Variants in TAF3 observed in about 807,000 individuals in gnomAD.
The protein encoded by TAF3 is transcription initiation factor TFIID subunit 3.
Under a neutral mutation model 80.6 loss-of-function variants are expected in TAF3, and 7 were observed. The observed-to-expected ratio is 0.09, with a 90% CI of 0.05 to 0.16. The LOEUF is 0.16. Among genes scored for constraint, TAF3 ranks in the 10% least tolerant of loss-of-function variants. TAF3 has a pLI of 1.00. For synonymous variants in TAF3, 444 were observed against 446.1 expected, an observed-to-expected ratio of 1.00 and a Z score of 0.06; for missense variants, 921 against 1,140.2, an observed-to-expected ratio of 0.81 and a Z score of 2.77.
chr10:7,930,889 T>C (rs1199387245), intron 2 of TAF3, among the ~76,000 whole-genome samples: 1 of 152,056 alleles, frequency 6.6e-6, no homozygotes, highest in Non-Finnish European at 1.5e-5. Context: ...GTAGCACCTA[T>C]AAGATGTTAC....
intron 2 of TAF3, among the ~76,000 whole-genome samples, chr10:7,925,832 A>AG (rs1837810394): frequency 6.6e-6 from 1 of 151,766 alleles, no homozygotes; most frequent in Non-Finnish European, 1.5e-5. Context: ...AGAAAAGAAA[A>AG]AGGAAGGAAG....
rs529417317 is a variant in TAF3, at chr10:7,953,887, A to C, written c.410-10033A>C. On this transcript the variant is annotated intron_variant, in intron 2 of 6. Coordinates refer to ENST00000344293, the MANE Select transcript of TAF3 (RefSeq NM_031923.4). Reference sequence around the variant, plus strand: ...AGTCCTAGTTAACACAGAGCTCTCCATAGTGAGATTCAGAGTGCACTCCAT... The same window carrying C: ...AGTCCTAGTTAACACAGAGCTCTCCCTAGTGAGATTCAGAGTGCACTCCAT... Among the ~76,000 whole-genome samples, 506 of 148,818 alleles carry C rather than the reference A, an allele frequency of 3.4e-3. 10 individuals are homozygous for C. Among genetic ancestry groups the C allele is most frequent in the South Asian group, 0.017 (76 of 4,480 alleles).
intron 2 of TAF3, among the ~76,000 whole-genome samples, chr10:7,903,927 G>C (rs1837582950): frequency 1.3e-5 from 2 of 152,114 alleles, no homozygotes; most frequent in African/African-American, 4.8e-5. Flanking sequence ...ATAACCTACA[G>C]TAAGTGTGAG....
intron 2 of TAF3, among the ~76,000 whole-genome samples, chr10:7,880,082 A>G (rs1312072792): frequency 3.9e-5 from 6 of 152,080 alleles, no homozygotes; most frequent in Admixed American, 3.3e-4. Context: ...CCCCAAAAAT[A>G]TAACAAATTA....
rs557333865 is a variant in TAF3 at position 8,005,199 on chromosome 10, A to T, written c.2316-3879A>T. On this transcript the variant is annotated intron_variant, in intron 4 of 6. Coordinates refer to ENST00000344293, the MANE Select transcript of TAF3 (RefSeq NM_031923.4). The stretch of plus-strand genomic sequence containing the variant: ...TAAGCAAAGTTGTTTTATAGTTGAT[A>T]ATTCTTGTATCTGTGGTCTTTGTCT... Among the ~76,000 whole-genome samples, 6 of 152,230 alleles carry T rather than the reference A, an allele frequency of 3.9e-5. No individual in the cohort carries two copies. In the South Asian group the frequency reaches 1.2e-3, roughly 32 times the overall value.
intron 4 of TAF3, among the ~76,000 whole-genome samples, chr10:7,993,025 T>G (rs751833618): frequency 6.6e-6 from 1 of 152,244 alleles, no homozygotes; most frequent in Non-Finnish European, 1.5e-5. Flanking sequence ...GACATTTTCC[T>G]TGTTACCATC....
chr10:7,864,703 G>GT (rs1473990596), intron 2 of TAF3, among the ~76,000 whole-genome samples: 5 of 151,998 alleles, frequency 3.3e-5, no homozygotes, highest in African/African-American at 9.7e-5. Flanking sequence ...CTGGTCATCA[G>GT]TTTTTTATCA....
chr10:7,942,351 C>G (rs768036448), intron 2 of TAF3, among the ~76,000 whole-genome samples: 13 of 152,126 alleles, frequency 8.5e-5, no homozygotes, highest in Non-Finnish European at 1.3e-4. Flanking sequence ...AATTAAATTT[C>G]ATTGGCTTAT....
At chr10:7,980,180 A>G (rs1364555126) in intron 4 of TAF3, among the ~76,000 whole-genome samples, 4 of 152,204 alleles carry the variant, frequency 2.6e-5, no homozygotes, top group African/African-American at 9.7e-5. Flanking sequence ...GAGTTTGAAT[A>G]GTCCAGGGGG....
chr10:7,844,115 A>C (rs1836945694), intron 2 of TAF3, among the ~76,000 whole-genome samples: 1 of 152,226 alleles, frequency 6.6e-6, no homozygotes. Context: ...TTGTGAGAAT[A>C]GTTACGTATG....
chr10:7,935,479 G>T (rs1837909030), intron 2 of TAF3, among the ~76,000 whole-genome samples: 1 of 151,868 alleles, frequency 6.6e-6, no homozygotes, highest in Non-Finnish European at 1.5e-5. Flanking sequence ...AGCTACTCAG[G>T]AGGCTGAGGC....
intron 2 of TAF3, among the ~76,000 whole-genome samples, chr10:7,930,597 T>C (rs1395114924): frequency 1.3e-5 from 2 of 152,210 alleles, no homozygotes; most frequent in Non-Finnish European, 2.9e-5. Context: ...TAGCTGGCAG[T>C]CAAATTTATT....
At chr10:7,818,940 C>T in intron 1 of TAF3, 65 bp downstream of exon 1, 1 of 1,333,238 alleles carries the variant, frequency 7.5e-7, no homozygotes, top group Non-Finnish European at 9.6e-7. Flanking sequence ...TTCGCTCTCC[C>T]TGTCCCTCCG....
At chr10:7,982,946 C>G (rs1034865132) in intron 4 of TAF3, among the ~76,000 whole-genome samples, 1 of 152,172 alleles carries the variant, frequency 6.6e-6, no homozygotes, top group Non-Finnish European at 1.5e-5. Context: ...GGAAACACTC[C>G]TATTTCCTTT....
chr10:7,933,439 A>C (rs1273811069), intron 2 of TAF3, among the ~76,000 whole-genome samples: 1 of 152,180 alleles, frequency 6.6e-6, no homozygotes, highest in Non-Finnish European at 1.5e-5. Context: ...TGATGCAACC[A>C]TTGGTGACAC....
At chr10:7,835,570 G>A (rs930932279) in intron 2 of TAF3, among the ~76,000 whole-genome samples, 3 of 152,210 alleles carry the variant, frequency 2.0e-5, no homozygotes, top group African/African-American at 7.2e-5. Context: ...CTGGCAGAGA[G>A]CAGCCAGGGT....
chr10:7,887,444 C>T (rs1283759074), intron 2 of TAF3, among the ~76,000 whole-genome samples: 3 of 152,042 alleles, frequency 2.0e-5, no homozygotes, highest in Non-Finnish European at 2.9e-5. Context: ...TTATCCTTAC[C>T]ATCGAGAGAC....
chr10:7,868,829 G>A (rs1308790701), intron 2 of TAF3, among the ~76,000 whole-genome samples: 3 of 151,978 alleles, frequency 2.0e-5, no homozygotes, highest in South Asian at 4.2e-4. Flanking sequence ...TACTTATAAG[G>A]CAAGTATTCA....
chr10:7,833,352 C>T (rs186651740), intron 2 of TAF3, among the ~76,000 whole-genome samples: 2 of 152,182 alleles, frequency 1.3e-5, no homozygotes, highest in Non-Finnish European at 2.9e-5. Flanking sequence ...TCTCCACATC[C>T]CTGCTAACAC....
Sources: allele counts gnomAD v4.1 joint callset (sites outside exome capture counted in the v4.1 genomes callset), GRCh38; gene constraint gnomAD v4.1.1; transcripts MANE v1.5; gene names NCBI Gene and HGNC (gene_info 2026-07-23, HGNC 2026-07-21).